CDH3: variants seen among roughly 807,000 people sequenced by gnomAD.
CDH3 encodes the protein cadherin-3.
In CDH3, 54 loss-of-function variants were observed where a neutral mutation model predicts 82.0. The observed-to-expected ratio is 0.66, with a 90% CI of 0.53 to 0.83. The LOEUF (loss-of-function observed/expected upper bound fraction) is 0.83, where lower values mean the gene tolerates loss of function less well. Ranked by LOEUF, CDH3 falls within the 40% of genes least tolerant of loss-of-function variation. The pLI is 0.00. For missense variants in CDH3, 1,054 were observed against 1,084.6 expected, an observed-to-expected ratio of 0.97 and a Z score of 0.40; for synonymous variants, 446 against 437.9, an observed-to-expected ratio of 1.02 and a Z score of -0.23.
chr16:68,694,312 C>CAA (rs1162877121), intron 13 of CDH3, among the ~76,000 whole-genome samples: 311 of 74,650 alleles, frequency 4.2e-3, no homozygotes, highest in Non-Finnish European at 5.5e-3. Context: ...GACTCCCTCT[C>CAA]AAAAAAAAAA....
intron 4 of CDH3, 77 bp downstream of exon 4, chr16:68,678,354 C>T (rs2152099945): frequency 1.3e-6 from 2 of 1,594,122 alleles, no homozygotes; most frequent in East Asian, 2.2e-5. Flanking sequence ...AGATTTCTTG[C>T]TACTGAATGT....
chr16:68,697,698 T>G (rs976614395), intron 15 of CDH3, among the ~76,000 whole-genome samples: 1 of 152,198 alleles, frequency 6.6e-6, no homozygotes, highest in African/African-American at 2.4e-5. Flanking sequence ...TAGCGCTTAT[T>G]AGATAATGAT....
Position 68,663,749 on chromosome 16 carries a change from T to A in CDH3, c.161-12636T>A, listed in dbSNP as rs1406412361. Among the ~76,000 whole-genome samples the A allele has an allele frequency of 1.3e-5, 2 of 152,140 alleles. 1 individual carries two copies. The highest frequency in any genetic ancestry group is 4.2e-4 in the South Asian group (2 of 4,816). ...GAGAAATGGTCAAGGAAGAAGCAGC[T>A]GCTAGCTAAACCATATGCCAGGCAT... On this transcript the variant is annotated intron_variant, in intron 2 of 15. Transcript: ENST00000264012.
chr16:68,691,129 C>T (rs1961561615), intron 12 of CDH3, among the ~76,000 whole-genome samples: 1 of 151,680 alleles, frequency 6.6e-6, no homozygotes, highest in Non-Finnish European at 1.5e-5. Context: ...CCTCAGCCTC[C>T]CAAGTAGCTG....
intron 2 of CDH3, among the ~76,000 whole-genome samples, chr16:68,726,858 C>A (rs1962224895): frequency 6.6e-6 from 1 of 152,156 alleles, no homozygotes; most frequent in South Asian, 2.1e-4. Context: ...GGATTACAGG[C>A]ATGAGCCACC....
At chr16:68,725,149 A>G (rs539891153) in intron 2 of CDH3, among the ~76,000 whole-genome samples, 2 of 152,296 alleles carry the variant, frequency 1.3e-5, no homozygotes, top group African/African-American at 4.8e-5. Context: ...CCAGTCAGCC[A>G]CAGGGCTCCA....
intron 13 of CDH3, among the ~76,000 whole-genome samples, chr16:68,693,001 G>A (rs1322099902): frequency 6.6e-6 from 1 of 152,194 alleles, no homozygotes; most frequent in Non-Finnish European, 1.5e-5. Context: ...TTACTTGGGA[G>A]GCTGAGGCAG....
chr16:68,648,190 T>G (rs1265394363), intron 2 of CDH3, among the ~76,000 whole-genome samples: 2 of 152,164 alleles, frequency 1.3e-5, no homozygotes, highest in East Asian at 3.8e-4. Flanking sequence ...AGGCACAGCT[T>G]AACGGATTGG....
chr16:68,730,984 C>G (rs1431015512), downstream of CDH3, among the ~76,000 whole-genome samples: 1 of 115,982 alleles, frequency 8.6e-6, no homozygotes, highest in East Asian at 2.5e-4. Flanking sequence ...TTTACCATTG[C>G]ACTCCAGCCT....
At chr16:68,696,077 T>C (rs1487338400) in intron 15 of CDH3, 154 bp downstream of exon 15, 1 of 803,188 alleles carries the variant, frequency 1.2e-6, no homozygotes, top group South Asian at 1.5e-5. Context: ...TTGAGTAACT[T>C]CTGGGGTTTG....
chr16:68,723,582 A>C (rs1228487063), intron 2 of CDH3, among the ~76,000 whole-genome samples: 1 of 152,192 alleles, frequency 6.6e-6, no homozygotes, highest in Admixed American at 6.6e-5. Context: ...TTTTGCTTCA[A>C]GTCATAAGAC....
At chr16:68,727,361 G>A (rs1962230327) in exon 3 of CDH3, among the ~76,000 whole-genome samples, 1 of 152,182 alleles carries the variant, frequency 6.6e-6, no homozygotes, top group African/African-American at 2.4e-5. Context: ...AATCCCATGA[G>A]TCAATTTCCC....
chr16:68,695,116 T>TGCAAGTAAAGCCATTGTA, intron 13 of CDH3, 139 bp from the exon 14 acceptor site: 1 of 910,722 alleles, frequency 1.1e-6, no homozygotes, highest in Admixed American at 2.0e-5. Flanking sequence ...TTTTCCTAGG[T>TGCAAGTAAAGCCATTGTA]GCAAGTAAAG....
At chr16:68,653,277 C>A (rs1022451667) in intron 2 of CDH3, among the ~76,000 whole-genome samples, 1 of 151,740 alleles carries the variant, frequency 6.6e-6, no homozygotes, top group Non-Finnish European at 1.5e-5. Flanking sequence ...TTTGCTCTTG[C>A]CCAGGCTGGA....
intron 1 of CDH3, among the ~76,000 whole-genome samples, chr16:68,714,059 A>C (rs1005914791): frequency 1.3e-5 from 2 of 151,870 alleles, no homozygotes; most frequent in Non-Finnish European, 2.9e-5. Context: ...TCAGCCTCCC[A>C]AGTAGCTGGG....
Position 68,645,581 on chromosome 16 carries a change from G to A in CDH3, c.46-55G>A, listed in dbSNP as rs1018941990. On this transcript the variant is annotated intron_variant, in intron 1 of 15. Transcript: ENST00000264012. ...GTGAGGACCCTGCGGTGTGGGGAGTGCAGGGCCGGGCACGCCTGGACCCAG... is the reference window on the plus strand; with the variant it reads ...GTGAGGACCCTGCGGTGTGGGGAGTACAGGGCCGGGCACGCCTGGACCCAG... 21 of 1,484,370 alleles carry A rather than the reference G, an allele frequency of 1.4e-5. No homozygotes were observed. In the African/African-American group the frequency reaches 1.9e-4, roughly 14 times the overall value. 91.9% of individuals were successfully genotyped at this position (1,484,370 alleles called of 1,614,324 possible).
At position 68,645,399 on chromosome 16, in the gene CDH3, C is replaced by T. The variant is rs1960018796; in HGVS notation, c.20C>T (p.Pro7Leu). MGLPRG[P>L]LASLLLLQVC... ...GCAGCCATGGGGCTCCCTCGTGGAC[C>T]TCTCGCGTCTCTCCTCCTTCTCCAG... The change falls in exon 1 of 16, where the codon CCT becomes CTT. Residue 7 changes from proline to leucine, a missense_variant. Coordinates refer to ENST00000264012, the MANE Select transcript of CDH3 (RefSeq NM_001793.6). 2 of 1,613,510 alleles carry T rather than the reference C, an allele frequency of 1.2e-6. No homozygotes were observed. The highest frequency in any genetic ancestry group is 1.3e-5 in the African/African-American group (1 of 75,058).
At chr16:68,732,499 C>T in the CDH3 span, among the ~76,000 whole-genome samples, 1 of 152,226 alleles carries the variant, frequency 6.6e-6, no homozygotes, top group Non-Finnish European at 1.5e-5. Context: ...GTGATCCCAT[C>T]ATGCGGGGTC....
chr16:68,704,273 CG>C (rs1961933422), downstream of CDH3, among the ~76,000 whole-genome samples: 1 of 148,406 alleles, frequency 6.7e-6, no homozygotes, highest in Non-Finnish European at 1.5e-5. Context: ...GGCCACAGAG[CG>C]AGACTTCGTC....
Sources: gnomAD v4.1 joint callset for allele counts (sites outside exome capture counted in the v4.1 genomes callset) on GRCh38, gnomAD v4.1.1 for gene constraint, MANE v1.5 for transcripts, NCBI Gene and HGNC (gene_info 2026-07-23, HGNC 2026-07-21) for gene names.